TBC1D12: variants seen among roughly 807,000 people sequenced by gnomAD.
TBC1D12 encodes the protein TBC1 domain family, member 12.
TBC1D12 carries 56 observed loss-of-function variants against 86.7 expected under a neutral mutation model. The ratio of observed to expected loss-of-function variants is 0.65; its 90% CI spans 0.52 to 0.81. The LOEUF (loss-of-function observed/expected upper bound fraction) is 0.81, where lower values mean the gene tolerates loss of function less well. Among genes scored for constraint, TBC1D12 ranks in the 30% least tolerant of loss-of-function variants. TBC1D12 has a pLI of 0.00. For missense variants in TBC1D12, 1,023 were observed against 1,038.8 expected, an observed-to-expected ratio of 0.98 and a Z score of 0.21; for synonymous variants, 421 against 411.7, an observed-to-expected ratio of 1.02 and a Z score of -0.27.
intron 4 of TBC1D12, among the ~76,000 whole-genome samples, chr10:94,495,032 T>TC (rs1253012887): frequency 1.3e-5 from 2 of 151,212 alleles, no homozygotes; most frequent in Non-Finnish European, 3.0e-5. Context: ...CAGCTCTTTT[T>TC]TTTTTTTTTG....
At chr10:94,461,180 A>G (rs575560941) in intron 2 of TBC1D12, among the ~76,000 whole-genome samples, 1 of 152,312 alleles carries the variant, frequency 6.6e-6, no homozygotes, top group African/African-American at 2.4e-5. Context: ...GAACTGGTAA[A>G]TAGGACTTTA....
intron 5 of TBC1D12, among the ~76,000 whole-genome samples, chr10:94,499,583 G>T (rs2056369151): frequency 6.6e-6 from 1 of 152,152 alleles, no homozygotes; most frequent in African/African-American, 2.4e-5. Context: ...AATGCCTACT[G>T]TAGTTTGTAC....
At chr10:94,457,628 T>A (rs1353424506) in intron 2 of TBC1D12, among the ~76,000 whole-genome samples, 1 of 152,162 alleles carries the variant, frequency 6.6e-6, no homozygotes, top group Non-Finnish European at 1.5e-5. Context: ...TTAAAGTGAT[T>A]ATTGATACAG....
At chr10:94,488,821 G>A (rs1440670160) in intron 3 of TBC1D12, among the ~76,000 whole-genome samples, 1 of 152,006 alleles carries the variant, frequency 6.6e-6, no homozygotes, top group African/African-American at 2.4e-5. Flanking sequence ...TGAGATGGGG[G>A]CCTCACCACT....
At chr10:94,505,680 A>G (rs769152863) in intron 6 of TBC1D12, among the ~76,000 whole-genome samples, 76 of 152,296 alleles carry the variant, frequency 5.0e-4, no homozygotes, top group Non-Finnish European at 9.7e-4. Flanking sequence ...AAAGATTAGA[A>G]TAGTAAGAGT....
At chr10:94,526,594 C>T (rs1163880192) in intron 11 of TBC1D12, among the ~76,000 whole-genome samples, 2 of 152,136 alleles carry the variant, frequency 1.3e-5, no homozygotes, top group Non-Finnish European at 2.9e-5. Context: ...AGTAGCATTC[C>T]ATTGTGTGTA....
At chr10:94,412,733 A>G (rs756665286) in intron 1 of TBC1D12, among the ~76,000 whole-genome samples, 3 of 152,256 alleles carry the variant, frequency 2.0e-5, no homozygotes, top group Non-Finnish European at 4.4e-5. Context: ...TCTGTTATCC[A>G]TCTCTAAATG....
intron 9 of TBC1D12, among the ~76,000 whole-genome samples, chr10:94,512,503 T>G (rs1286904865): frequency 6.6e-6 from 1 of 152,246 alleles, no homozygotes; most frequent in African/African-American, 2.4e-5. Flanking sequence ...ACTCAACAAA[T>G]ATTTATTGTG....
chr10:94,443,871 C>A (rs773592966), intron 2 of TBC1D12, among the ~76,000 whole-genome samples: 4 of 152,010 alleles, frequency 2.6e-5, no homozygotes, highest in Admixed American at 2.6e-4. Context: ...TAATTAATTG[C>A]GGTTATTTAA....
intron 1 of TBC1D12, among the ~76,000 whole-genome samples, chr10:94,440,632 A>G (rs186135985): frequency 3.1e-4 from 47 of 152,314 alleles, no homozygotes; most frequent in Admixed American, 2.2e-3. Context: ...TGGGACTTCA[A>G]TTTGGAACTG....
intron 1 of TBC1D12, among the ~76,000 whole-genome samples, chr10:94,440,342 T>C (rs531080641): frequency 3.3e-5 from 5 of 152,136 alleles, no homozygotes; most frequent in African/African-American, 1.2e-4. Flanking sequence ...GCTATTTTTT[T>C]TAATTTTTAT....
intron 2 of TBC1D12, 63 bp downstream of exon 2, chr10:94,442,082 C>CTTTTTTTT: frequency 8.4e-7 from 1 of 1,195,518 alleles, no homozygotes; most frequent in Non-Finnish European, 1.1e-6. Context: ...TCTTCTTCTT[C>CTTTTTTTT]TTTTTTTTTT....
intron 2 of TBC1D12, among the ~76,000 whole-genome samples, chr10:94,448,653 AT>A (rs1289087467): frequency 6.6e-6 from 1 of 151,866 alleles, no homozygotes; most frequent in East Asian, 1.9e-4. Flanking sequence ...ATTTTTTTAT[AT>A]TTTTAGTAGA....
At chr10:94,424,674 A>C (rs2055124261) in intron 1 of TBC1D12, among the ~76,000 whole-genome samples, 1 of 152,238 alleles carries the variant, frequency 6.6e-6, no homozygotes, top group South Asian at 2.1e-4. Context: ...AAATGGAATA[A>C]GGATTTCATT....
At chr10:94,405,630 T>C (rs1182389290) in intron 1 of TBC1D12, among the ~76,000 whole-genome samples, 1 of 152,150 alleles carries the variant, frequency 6.6e-6, no homozygotes, top group East Asian at 1.9e-4. Flanking sequence ...CAGGCAATTT[T>C]AGATCTGGGA....
chr10:94,483,303 G>A (rs879018605), intron 3 of TBC1D12, among the ~76,000 whole-genome samples: 1 of 152,078 alleles, frequency 6.6e-6, no homozygotes, highest in Admixed American at 6.6e-5. Flanking sequence ...GGATCATATG[G>A]TAGCTCTATT....
intron 2 of TBC1D12, among the ~76,000 whole-genome samples, chr10:94,454,371 C>T (rs939337084): frequency 1.3e-5 from 2 of 152,060 alleles, no homozygotes; most frequent in Non-Finnish European, 2.9e-5. Flanking sequence ...GCCACCATGC[C>T]GGGCTAATTT....
At chr10:94,452,544 T>G (rs2055566305) in intron 2 of TBC1D12, among the ~76,000 whole-genome samples, 1 of 152,170 alleles carries the variant, frequency 6.6e-6, no homozygotes, top group Non-Finnish European at 1.5e-5. Flanking sequence ...AGTACTTAGC[T>G]GTTTCAGGTT....
intron 3 of TBC1D12, among the ~76,000 whole-genome samples, chr10:94,492,521 T>C (rs1251064859): frequency 6.6e-6 from 1 of 152,162 alleles, no homozygotes; most frequent in Non-Finnish European, 1.5e-5. Flanking sequence ...CTGGAAACAA[T>C]CCAAGTGTCC....
Sources: allele counts gnomAD v4.1 joint callset (sites outside exome capture counted in the v4.1 genomes callset), GRCh38; gene constraint gnomAD v4.1.1; transcripts MANE v1.5; gene names NCBI Gene and HGNC (gene_info 2026-07-23, HGNC 2026-07-21).